Variants in NFIA observed in about 807,000 individuals in gnomAD.
NFIA encodes the protein nuclear factor 1 A-type.
In NFIA, 8 loss-of-function variants were observed where a neutral mutation model predicts 62.8. The ratio of observed to expected loss-of-function variants is 0.13; its 90% CI spans 0.07 to 0.23. The LOEUF (loss-of-function observed/expected upper bound fraction) is 0.23, where lower values mean the gene tolerates loss of function less well. Among genes scored for constraint, NFIA ranks in the 10% least tolerant of loss-of-function variants. The probability of loss-of-function intolerance (pLI) is 1.00; values close to 1 mark genes in which losing one functional copy is unlikely to be tolerated. For synonymous variants in NFIA, 235 were observed against 238.1 expected, an observed-to-expected ratio of 0.99 and a Z score of 0.12; for missense variants, 410 against 642.1, an observed-to-expected ratio of 0.64 and a Z score of 3.91.
At chr1:61,352,151 A>G (rs1662578076) in intron 4 of NFIA, among the ~76,000 whole-genome samples, 1 of 152,240 alleles carries the variant, frequency 6.6e-6, no homozygotes. Flanking sequence ...AGAAAAGTGT[A>G]AGACCAAAAT....
intron 2 of NFIA, among the ~76,000 whole-genome samples, chr1:61,218,699 ATTC>A (rs1455584798): frequency 2.0e-5 from 3 of 152,222 alleles, no homozygotes; most frequent in African/African-American, 7.2e-5. Flanking sequence ...CCTATTATGT[ATTC>A]TTCTACAGAA....
intron 2 of NFIA, among the ~76,000 whole-genome samples, chr1:61,130,596 G>A (rs1297891268): frequency 6.6e-6 from 1 of 152,166 alleles, no homozygotes; most frequent in East Asian, 1.9e-4. Context: ...TTGTAGAAGT[G>A]GGTCTTACTA....
intron 2 of NFIA, among the ~76,000 whole-genome samples, chr1:61,161,266 TTTTG>T (rs1470308256): frequency 1.4e-4 from 22 of 152,326 alleles, no homozygotes; most frequent in South Asian, 6.2e-4. Context: ...TATCTGCAGT[TTTTG>T]TTTGTTAGTT....
chr1:61,361,759 T>C (rs1663301095), intron 6 of NFIA, among the ~76,000 whole-genome samples: 1 of 151,428 alleles, frequency 6.6e-6, no homozygotes, highest in African/African-American at 2.4e-5. Context: ...TGAAGTTTAA[T>C]GGCTGAATCC....
chr1:61,407,990 T>C (rs912851353), intron 9 of NFIA, among the ~76,000 whole-genome samples: 3 of 152,178 alleles, frequency 2.0e-5, no homozygotes, highest in African/African-American at 7.2e-5. Context: ...TGAGCCCCTG[T>C]TTATGCCATG....
chr1:61,302,332 C>T (rs1278972441), intron 3 of NFIA, among the ~76,000 whole-genome samples: 1 of 152,106 alleles, frequency 6.6e-6, no homozygotes, highest in Non-Finnish European at 1.5e-5. Flanking sequence ...GGGTTTTGTT[C>T]TCCAAATAGC....
intron 10 of NFIA, among the ~76,000 whole-genome samples, chr1:61,441,085 A>G (rs370188126): frequency 1.4e-4 from 22 of 152,340 alleles, no homozygotes; most frequent in African/African-American, 2.9e-4. Flanking sequence ...CAGGACTGAA[A>G]TGCAGGGACC....
intron 3 of NFIA, among the ~76,000 whole-genome samples, chr1:61,310,960 G>C (rs1557698613): frequency 6.6e-6 from 1 of 152,126 alleles, no homozygotes; most frequent in Non-Finnish European, 1.5e-5. Context: ...GCAGGTCCCA[G>C]TCTTTATCTC....
At chr1:61,424,485 A>G (rs940469034) in intron 9 of NFIA, among the ~76,000 whole-genome samples, 2 of 152,152 alleles carry the variant, frequency 1.3e-5, no homozygotes, top group African/African-American at 4.8e-5. Context: ...CTGTTCTATC[A>G]GGGCCATCAA....
At chr1:61,160,493 A>G (rs1649117070) in intron 2 of NFIA, among the ~76,000 whole-genome samples, 1 of 152,216 alleles carries the variant, frequency 6.6e-6, no homozygotes, top group African/African-American at 2.4e-5. Flanking sequence ...CAGAGAGCCT[A>G]TCTGTGTGAT....
chr1:61,304,138 T>C (rs1027892267), intron 3 of NFIA, among the ~76,000 whole-genome samples: 7 of 152,096 alleles, frequency 4.6e-5, no homozygotes, highest in African/African-American at 7.2e-5. Flanking sequence ...TAGCTGGGCA[T>C]GGTGGCACGT....
At chr1:61,270,073 G>GCT (rs1210354982) in intron 2 of NFIA, among the ~76,000 whole-genome samples, 1 of 152,168 alleles carries the variant, frequency 6.6e-6, no homozygotes, top group Non-Finnish European at 1.5e-5. Context: ...CCAGGTCTGT[G>GCT]CTCCTGATGT....
intron 9 of NFIA, among the ~76,000 whole-genome samples, chr1:61,418,966 T>G (rs12075436): frequency 6.6e-6 from 1 of 152,220 alleles, no homozygotes; most frequent in Non-Finnish European, 1.5e-5. Flanking sequence ...CCCATATACA[T>G]GGTTGCTTCT....
chr1:61,196,898 AGT>A (rs3030264), intron 2 of NFIA, among the ~76,000 whole-genome samples: 16,436 of 148,340 alleles, frequency 0.11, 1,047 homozygotes, highest in Non-Finnish European at 0.15. Flanking sequence ...ACCTTAAAGG[AGT>A]GTGTGTGTGT....
intron 2 of NFIA, among the ~76,000 whole-genome samples, chr1:61,257,555 G>A (rs1415486184): frequency 6.6e-6 from 1 of 151,944 alleles, no homozygotes; most frequent in South Asian, 2.1e-4. Context: ...AGCCAGGATG[G>A]TCTCGAACTC....
intron 5 of NFIA, among the ~76,000 whole-genome samples, chr1:61,355,069 TAC>T (rs1384403180): frequency 6.6e-6 from 1 of 152,198 alleles, no homozygotes; most frequent in Admixed American, 6.5e-5. Context: ...AGGCCGTAAT[TAC>T]ACAGAGTAGG....
intron 3 of NFIA, among the ~76,000 whole-genome samples, chr1:61,318,845 G>A (rs757809751): frequency 1.3e-5 from 2 of 152,090 alleles, no homozygotes; most frequent in Non-Finnish European, 2.9e-5. Context: ...TAGAGGAAAG[G>A]CCACCTTCTA....
chr1:61,172,905 T>C (rs1650061360), intron 2 of NFIA, among the ~76,000 whole-genome samples: 1 of 152,242 alleles, frequency 6.6e-6, no homozygotes, highest in South Asian at 2.1e-4. Flanking sequence ...CCAAAAATAA[T>C]AATCCTTTAT....
At chr1:61,156,044 G>A (rs374511113) in intron 2 of NFIA, among the ~76,000 whole-genome samples, 2 of 152,282 alleles carry the variant, frequency 1.3e-5, no homozygotes, top group South Asian at 2.1e-4. Context: ...TGTGACAGGA[G>A]AACTGTTTGA....
Sources: allele counts gnomAD v4.1 joint callset (sites outside exome capture counted in the v4.1 genomes callset), GRCh38; gene constraint gnomAD v4.1.1; transcripts MANE v1.5; gene names NCBI Gene and HGNC (gene_info 2026-07-23, HGNC 2026-07-21).